The following GALE variants were observed in gnomAD, a reference collection of about 807,000 sequenced individuals.
The protein encoded by GALE is UDP-glucose 4-epimerase.
A neutral mutation model predicts 44.1 loss-of-function variants in GALE; 32 were observed. That is an observed-to-expected ratio of 0.73 (90% CI 0.55 to 0.97). The LOEUF (loss-of-function observed/expected upper bound fraction) is 0.97, where lower values mean the gene tolerates loss of function less well. GALE is among the 50% of genes least tolerant of loss of function. The probability of loss-of-function intolerance (pLI) is 0.00; values close to 1 mark genes in which losing one functional copy is unlikely to be tolerated. For missense variants in GALE, 423 were observed against 455.6 expected, an observed-to-expected ratio of 0.93 and a Z score of 0.65; for synonymous variants, 182 against 183.5, an observed-to-expected ratio of 0.99 and a Z score of 0.06.
In GALE at chr1:23,798,809, G is replaced by C. The variant is rs7551384; in HGVS notation, c.121+78C>G. On this transcript the variant is annotated intron_variant, in intron 3 of 11. Coordinates refer to ENST00000617979, the MANE Select transcript of GALE (RefSeq NM_001008216.2). This position sits in a 1 kb window ranked among gnomAD's most constrained non-coding sequence, Gnocchi z 4.5. The stretch of plus-strand genomic sequence containing the variant: ...GGGACTAGCCAGACACACATTCCCC[G>C]CCCGGTGGTGGAGGTGGAACCCAGG... The C allele has an allele frequency of 3.1e-6, 5 of 1,610,432 alleles. No individual in the cohort carries two copies. Among genetic ancestry groups the C allele is most frequent in the African/African-American group, 1.3e-5 (1 of 74,972 alleles).
rs1639029334 is a variant in GALE, at chr1:23,798,370, T to A, written c.238-140A>T. The stretch of plus-strand genomic sequence containing the variant: ...TCCAGGCTGGAGTACAGTGGTGCCA[T>A]CTCAGCTCACCGCAACCTCCACCTC... On this transcript the variant is annotated intron_variant, in intron 4 of 11. Transcript: ENST00000617979. The surrounding 1 kb of genome is among the most constrained non-coding windows in gnomAD (Gnocchi z 4.5). The A allele has an allele frequency of 1.4e-6, 1 of 736,170 alleles. No individual in the cohort carries two copies. The highest frequency in any genetic ancestry group is 2.0e-5 in the Admixed American group (1 of 49,556). The allele number at this position is 736,170 out of a possible 1,614,324, so 45.6% of individuals were successfully genotyped here.
Position 23,796,420 on chromosome 1 carries a change from G to A in GALE, c.873+89C>T, listed in dbSNP as rs115232549. On this transcript the variant is annotated intron_variant, in intron 10 of 11. Coordinates refer to ENST00000617979, the MANE Select transcript of GALE (RefSeq NM_001008216.2). This position sits in a 1 kb window ranked among gnomAD's most constrained non-coding sequence, Gnocchi z 5.2. ...ACTGGGCAGTGCCAGGTACCCTCCA[G>A]AGAGGTGAGTGGGAAGGGCCAAAGC... is the stretch of plus-strand genomic sequence containing the variant. 3.3e-4 allele frequency: 493 copies of A among 1,492,408 alleles called. 3 individuals are homozygous for A. In the African/African-American group the frequency reaches 6.0e-3, roughly 18 times the overall value. 92.4% of individuals were successfully genotyped at this position (1,492,408 alleles called of 1,614,324 possible). A position where few individuals can be genotyped will look rare whatever the true frequency, so the allele number is the denominator to read the frequency against.
At position 23,795,833 on chromosome 1, in the gene GALE, G is replaced by T; in HGVS notation, c.*116C>A. On this transcript the variant is annotated 3_prime_UTR_variant, in exon 12 of 12. Coordinates refer to ENST00000617979, the MANE Select transcript of GALE (RefSeq NM_001008216.2). Reference sequence around the variant, plus strand: ...GGTGGGCTAAGCGGGCCCAGCTGGGGTTTGAGGTAGGGGAGGCCTTGGCTT... The same window carrying T: ...GGTGGGCTAAGCGGGCCCAGCTGGGTTTTGAGGTAGGGGAGGCCTTGGCTT... The T allele has an allele frequency of 9.6e-7, 1 of 1,043,558 alleles. No individual in the cohort carries two copies. The highest frequency in any genetic ancestry group is 1.5e-6 in the Non-Finnish European group (1 of 679,372). 64.6% of individuals were successfully genotyped at this position (1,043,558 alleles called of 1,614,324 possible). A position where few individuals can be genotyped will look rare whatever the true frequency, so the allele number is the denominator to read the frequency against.
At position 23,795,758 on chromosome 1, in the gene GALE, G is replaced by A. The variant is rs1638925873; in HGVS notation, c.*191C>T. ...AACTCTTGGACCCTGTGGAAGATAA[G>A]AGTTAGAGACCTCGGCCTCCTGGTC... On this transcript the variant is annotated 3_prime_UTR_variant, in exon 12 of 12. Coordinates refer to ENST00000617979, the MANE Select transcript of GALE (RefSeq NM_001008216.2). The A allele has an allele frequency of 4.7e-6, 3 of 634,868 alleles. No homozygotes were observed. Among genetic ancestry groups the A allele is most frequent in the African/African-American group, 1.8e-5 (1 of 54,692 alleles). 39.3% of individuals were successfully genotyped at this position (634,868 alleles called of 1,614,324 possible).
At chr1:23,800,503 G>T (rs1451615071) in intron 1 of GALE, 1 of 152,484 alleles carries the variant, frequency 6.6e-6, no homozygotes, top group African/African-American at 2.4e-5. Context: ...CTGTAGCGCG[G>T]AGCGGGGCCG....
chr1:23,797,546 C>T, intron 6 of GALE, 149 bp downstream of exon 6: 1 of 772,702 alleles, frequency 1.3e-6, no homozygotes, highest in South Asian at 1.5e-5. Context: ...TCTTTAGAAA[C>T]AAGCAGGGGA....
Position 23,797,069 on chromosome 1 carries a change from C to A in GALE, c.607G>T (p.Gly203Cys). The A allele has an allele frequency of 1.2e-6, 2 of 1,613,734 alleles. No individual in the cohort carries two copies. Among genetic ancestry groups the A allele is most frequent in the South Asian group, 2.2e-5 (2 of 90,948 alleles). Residue 203 changes from glycine (G) to cysteine (C), a missense_variant, in exon 7 of 12, where the codon GGC becomes TGC. By Grantham distance (159) the Gly-to-Cys change is radical (BLOSUM62 -3). Transcript: ENST00000617979. The part of the protein sequence containing the change: ...ASGCIGEDPQ[G>C]IPNNLMPYVS... ...TAAGGCATGAGGTTGTTGGGTATGC[C>A]CTGGGGATCCTCACCAATGCAGCCA...
chr1:23,799,063 C>T (rs1291040992), intron 2 of GALE, 51 bp from the exon 3 acceptor site: 11 of 1,613,086 alleles, frequency 6.8e-6, no homozygotes, highest in Non-Finnish European at 9.3e-6. Flanking sequence ...CTGCTCAGAG[C>T]TTCCTTCCCA....
In GALE at chr1:23,796,032, CA is replaced by C. The variant is rs560208334; in HGVS notation, c.989-26del. 8.7e-5 allele frequency: 140 copies of C among 1,613,332 alleles called. 1 individual carries two copies. The South Asian group carries it at 1.5e-3, about 17-fold the overall frequency. On this transcript the variant is annotated intron_variant, in intron 11 of 11. Transcript: ENST00000617979. The surrounding 1 kb of genome is among the most constrained non-coding windows in gnomAD (Gnocchi z 5.2). Reference sequence around the variant, plus strand: ...CCTGCAACACGGCGAGGTGTGTGCTCAGGGCCCACGGTGGAATGCAGAGCCT... The same window carrying C: ...CCTGCAACACGGCGAGGTGTGTGCTCGGGCCCACGGTGGAATGCAGAGCCT...
rs17403588 is a variant in GALE, at chr1:23,796,527, C to T, written c.855G>A (p.Glu285=). The change falls in exon 10 of 12, where the codon GAG becomes GAA. Residue 285 remains glutamate (E), a synonymous_variant. Coordinates refer to ENST00000617979, the MANE Select transcript of GALE (RefSeq NM_001008216.2). The surrounding 1 kb of genome is among the most constrained non-coding windows in gnomAD (Gnocchi z 5.2). ...YSVLQMVQAM[E]KASGKKIPYK... ...GGCCTACCTTCTTCCCAGAGGCCTT[C>T]TCCATAGCCTGGACCATCTGCAGCA... is the stretch of plus-strand genomic sequence containing the variant. 39 of 1,613,674 alleles carry T rather than the reference C, an allele frequency of 2.4e-5. No homozygotes were observed. The highest frequency in any genetic ancestry group is 3.3e-5 in the Non-Finnish European group (39 of 1,180,006).
intron 2 of GALE, 79 bp from the exon 3 acceptor site, chr1:23,799,091 A>G: frequency 6.3e-7 from 1 of 1,596,796 alleles, no homozygotes; most frequent in South Asian, 1.1e-5. Flanking sequence ...CCTGCCCCCT[A>G]AGCTCGCTTT....
chr1:23,798,371 C>T lies in GALE; in HGVS notation c.238-141G>A. On this transcript the variant is annotated intron_variant, in intron 4 of 11. Coordinates refer to ENST00000617979, the MANE Select transcript of GALE (RefSeq NM_001008216.2). This position sits in a 1 kb window ranked among gnomAD's most constrained non-coding sequence, Gnocchi z 4.5. ...CCAGGCTGGAGTACAGTGGTGCCAT[C>T]TCAGCTCACCGCAACCTCCACCTCC... is the stretch of plus-strand genomic sequence containing the variant. 1 of 731,642 alleles carries T rather than the reference C, an allele frequency of 1.4e-6. No homozygotes were observed. The highest frequency in any genetic ancestry group is 1.5e-5 in the South Asian group (1 of 67,110). The allele number at this position is 731,642 out of a possible 1,614,324, so 45.3% of individuals were successfully genotyped here.
chr1:23,795,941 G>A lies in GALE; in HGVS notation c.*8C>T. On this transcript the variant is annotated 3_prime_UTR_variant, in exon 12 of 12. Coordinates refer to ENST00000617979, the MANE Select transcript of GALE (RefSeq NM_001008216.2). ...CTGCTTTTCCTGGTCCTTGGTAGGG[G>A]AGGGTCCTCAGGCTTGCGTGCCAAA... 1.2e-6 allele frequency: 2 copies of A among 1,613,266 alleles called. No homozygotes were observed. The highest frequency in any genetic ancestry group is 2.2e-5 in the East Asian group (1 of 44,882).
chr1:23,797,619 C>T (rs1639001029), intron 6 of GALE, 76 bp downstream of exon 6: 1 of 1,437,550 alleles, frequency 7.0e-7, no homozygotes, highest in African/African-American at 1.4e-5. Context: ...GTTCGGAATC[C>T]CACCCCTGGG....
At position 23,798,284 on chromosome 1, in the gene GALE, G is replaced by A. The variant is rs1639025731; in HGVS notation, c.238-54C>T. The A allele has an allele frequency of 1.6e-6, 2 of 1,290,040 alleles. No individual in the cohort carries two copies. Among genetic ancestry groups the A allele is most frequent in the Non-Finnish European group, 2.3e-6 (2 of 886,324 alleles). The allele number at this position is 1,290,040 out of a possible 1,614,324, so 79.9% of individuals were successfully genotyped here. A position where few individuals can be genotyped will look rare whatever the true frequency, so the allele number is the denominator to read the frequency against. Reference sequence around the variant, plus strand: ...TCTACTGGTTTTAGTCCTTGGCAATGCCCTCAGCCTGCCTGCCTGCACTCA... The same window carrying A: ...TCTACTGGTTTTAGTCCTTGGCAATACCCTCAGCCTGCCTGCCTGCACTCA... On this transcript the variant is annotated intron_variant, in intron 4 of 11. Coordinates refer to ENST00000617979, the MANE Select transcript of GALE (RefSeq NM_001008216.2). This position sits in a 1 kb window ranked among gnomAD's most constrained non-coding sequence, Gnocchi z 4.5.
chr1:23,798,095 T>C lies in GALE; in HGVS notation c.351+22A>G. On this transcript the variant is annotated intron_variant, in intron 5 of 11. Coordinates refer to ENST00000617979, the MANE Select transcript of GALE (RefSeq NM_001008216.2). This position sits in a 1 kb window ranked among gnomAD's most constrained non-coding sequence, Gnocchi z 4.5. Reference sequence around the variant, plus strand: ...CAGCTGGACACCCTCCTAGTGTCTGTGCCCTGTCCCATGCCTCTCACCTCC... The same window carrying C: ...CAGCTGGACACCCTCCTAGTGTCTGCGCCCTGTCCCATGCCTCTCACCTCC... The C allele has an allele frequency of 1.3e-6, 2 of 1,575,688 alleles. No individual in the cohort carries two copies. Among genetic ancestry groups the C allele is most frequent in the Non-Finnish European group, 1.7e-6 (2 of 1,144,804 alleles).
In GALE at chr1:23,796,524, C is replaced by G; in HGVS notation, c.858G>C (p.Lys286Asn). The G allele has an allele frequency of 6.2e-7, 1 of 1,613,526 alleles. No individual in the cohort carries two copies. Among genetic ancestry groups the G allele is most frequent in the Non-Finnish European group, 8.5e-7 (1 of 1,180,010 alleles). Residue 286 changes from lysine to asparagine, a missense_variant, in exon 10 of 12, where the codon AAG (lysine) becomes AAC (asparagine). Lys to Asn is a moderately conservative substitution (Grantham distance 94). Coordinates refer to ENST00000617979, the MANE Select transcript of GALE (RefSeq NM_001008216.2). This position sits in a 1 kb window ranked among gnomAD's most constrained non-coding sequence, Gnocchi z 5.2. ...GGGGGCCTACCTTCTTCCCAGAGGC[C>G]TTCTCCATAGCCTGGACCATCTGCA... The part of the protein sequence containing the change: ...SVLQMVQAME[K>N]ASGKKIPYKV...
In GALE at chr1:23,795,779, T is replaced by C. The variant is rs1638926808; in HGVS notation, c.*170A>G. ...ATAAGAGTTAGAGACCTCGGCCTCC[T>C]GGTCAGTGGAGCCCTTGGCCTCATG... On this transcript the variant is annotated 3_prime_UTR_variant, in exon 12 of 12. Transcript: ENST00000617979. 1 of 668,594 alleles carries C rather than the reference T, an allele frequency of 1.5e-6. No individual in the cohort carries two copies. Among genetic ancestry groups the C allele is most frequent in the African/African-American group, 1.8e-5 (1 of 55,440 alleles). The allele number at this position is 668,594 out of a possible 1,614,324, so 41.4% of individuals were successfully genotyped here.
At position 23,798,716 on chromosome 1, in the gene GALE, G is replaced by A; in HGVS notation, c.136C>T (p.Pro46Ser). 6.2e-7 allele frequency: 1 copy of A among 1,613,822 alleles called. No homozygotes were observed. Among genetic ancestry groups the A allele is most frequent in the Non-Finnish European group, 8.5e-7 (1 of 1,179,716 alleles). Residue 46 changes from proline to serine, a missense_variant, in exon 4 of 12, where the codon CCT becomes TCT. Physicochemically the swap from Pro to Ser is moderately conservative, Grantham distance 74. Transcript: ENST00000617979. This position sits in a 1 kb window ranked among gnomAD's most constrained non-coding sequence, Gnocchi z 4.5. ...HNAFRGGGSL[P>S]ESLRRVQELT... The stretch of plus-strand genomic sequence containing the variant: ...TCCTGGACCCGCCGCAGGCTCTCAG[G>A]CAGGGAGCCCCCTCCTGGTAGGGTA...
Sources: gnomAD v4.1 joint callset for allele counts on GRCh38, gnomAD v4.1.1 for gene constraint, Gnocchi (gnomAD v3.1) non-coding constraint, MANE v1.5 for transcripts, NCBI Gene and HGNC (gene_info 2026-07-23, HGNC 2026-07-21) for gene names.